The following RORA variants were observed in gnomAD, a reference collection of about 807,000 sequenced individuals.
RORA encodes RAR related orphan receptor A, also known as nuclear receptor ROR-alpha.
A neutral mutation model predicts 69.5 loss-of-function variants in RORA; 7 were observed. The ratio of observed to expected loss-of-function variants is 0.10; its 90% CI spans 0.06 to 0.19. The LOEUF (loss-of-function observed/expected upper bound fraction) is 0.19. Ranked by LOEUF, RORA falls within the 10% of genes least tolerant of loss-of-function variation. RORA has a pLI of 1.00. For missense variants in RORA, 457 were observed against 663.0 expected, an observed-to-expected ratio of 0.69 and a Z score of 3.41; for synonymous variants, 261 against 240.8, an observed-to-expected ratio of 1.08 and a Z score of -0.78.
chr15:60,666,897 T>C (rs1209128379), intron 2 of RORA, among the ~76,000 whole-genome samples: 4 of 152,128 alleles, frequency 2.6e-5, no homozygotes, highest in Admixed American at 1.3e-4. Flanking sequence ...ACAGAAAACC[T>C]TACAGGAGGT....
In RORA at chr15:60,644,462, T is replaced by G. The variant is rs542723495; in HGVS notation, c.196+34195A>C. Among the ~76,000 whole-genome samples the G allele has an allele frequency of 7.9e-5, 12 of 152,368 alleles. No individual in the cohort carries two copies. In the South Asian group the frequency reaches 2.5e-3, roughly 32 times the overall value. Reference sequence around the variant, plus strand: ...ATTATATTTTGAAATGTCTCTTCATTAGAAGGGCAACTTCATTTTCAATTG... The same window carrying G: ...ATTATATTTTGAAATGTCTCTTCATGAGAAGGGCAACTTCATTTTCAATTG... On this transcript the variant is annotated intron_variant, in intron 2 of 10. Coordinates refer to ENST00000335670, the MANE Select transcript of RORA (RefSeq NM_134261.3).
chr15:60,891,417 G>C (rs777096215), intron 1 of RORA, among the ~76,000 whole-genome samples: 24 of 152,224 alleles, frequency 1.6e-4, no homozygotes, highest in Non-Finnish European at 3.5e-4. Context: ...TGCAGGAACA[G>C]AGAAGCATCC....
At chr15:61,110,393 CAA>C (rs11343941) in intron 1 of RORA, among the ~76,000 whole-genome samples, 18 of 113,702 alleles carry the variant, frequency 1.6e-4, no homozygotes, top group Admixed American at 3.8e-4. Flanking sequence ...GACTCAGTCT[CAA>C]AAAAAAAAAA....
chr15:60,947,688 TAAAAAAAA>T (rs35887206), intron 1 of RORA, among the ~76,000 whole-genome samples: 2 of 102,950 alleles, frequency 1.9e-5, no homozygotes, highest in African/African-American at 8.5e-5. Flanking sequence ...GAATGATCAA[TAAAAAAAA>T]AAAAAAAAAA....
Position 60,838,455 on chromosome 15 carries a change from T to TG in RORA, c.167-159770_167-159769insC, listed in dbSNP as rs548777655. ...GCTGTCCAAGCAGACAGGCAGCAGG[T>TG]CACCGGGCCATGGGGCCAGCCTCTG... On this transcript the variant is annotated intron_variant, in intron 1 of 10. Transcript: ENST00000335670. 6.6e-3 allele frequency among the ~76,000 whole-genome samples: 1,005 copies of TG among 152,228 alleles called. 14 individuals carry two copies. Among genetic ancestry groups the TG allele is most frequent in the African/African-American group, 0.023 (959 of 41,548 alleles).
intron 1 of RORA, among the ~76,000 whole-genome samples, chr15:60,743,306 C>T (rs2071602557): frequency 6.6e-6 from 1 of 152,170 alleles, no homozygotes; most frequent in Non-Finnish European, 1.5e-5. Flanking sequence ...TGAGCCACCG[C>T]ACCCGGCTGT....
At chr15:60,837,036 AC>A (rs2073126095) in intron 1 of RORA, among the ~76,000 whole-genome samples, 1 of 100,678 alleles carries the variant, frequency 9.9e-6, no homozygotes, top group Non-Finnish European at 2.3e-5. Context: ...TCATACCTTG[AC>A]CTTTTTTTTT....
intron 1 of RORA, among the ~76,000 whole-genome samples, chr15:60,731,578 C>A (rs115191886): frequency 7.9e-4 from 121 of 152,322 alleles, no homozygotes; most frequent in African/African-American, 2.8e-3. Context: ...GAAAAGTTAA[C>A]TTCAGGTGAA....
chr15:60,984,415 ATTAT>A (rs1422677794), intron 1 of RORA, among the ~76,000 whole-genome samples: 1 of 150,920 alleles, frequency 6.6e-6, no homozygotes, highest in Admixed American at 6.6e-5. Flanking sequence ...AATTATTTTA[ATTAT>A]TTAATATTAG....
chr15:61,034,438 T>G (rs1896347485), intron 1 of RORA, among the ~76,000 whole-genome samples: 1 of 152,214 alleles, frequency 6.6e-6, no homozygotes, highest in African/African-American at 2.4e-5. Context: ...ATTGTTTAAC[T>G]GATCACTTCT....
At chr15:60,672,057 C>A (rs1647986) in intron 2 of RORA, among the ~76,000 whole-genome samples, 28,421 of 152,074 alleles carry the variant, frequency 0.19, 2,973 homozygotes, top group African/African-American at 0.27. Flanking sequence ...ACTACACTCC[C>A]GCTTGGCCAA....
chr15:60,914,145 G>T (rs886250072), intron 1 of RORA, among the ~76,000 whole-genome samples: 1 of 152,212 alleles, frequency 6.6e-6, no homozygotes, highest in African/African-American at 2.4e-5. Flanking sequence ...TGCTTTGGCT[G>T]TGCTAATTTG....
At chr15:61,083,343 G>A (rs762577951) in intron 1 of RORA, among the ~76,000 whole-genome samples, 5 of 152,122 alleles carry the variant, frequency 3.3e-5, no homozygotes, top group South Asian at 2.1e-4. Context: ...GCCTAGTTCC[G>A]GTAGGGATCA....
At chr15:60,955,262 A>G (rs1000962002) in intron 1 of RORA, among the ~76,000 whole-genome samples, 4 of 152,228 alleles carry the variant, frequency 2.6e-5, no homozygotes, top group African/African-American at 9.6e-5. Flanking sequence ...AGATTGTGCC[A>G]CTGCACTCCA....
At chr15:60,911,068 AATTTTTTTTTTTTTTTTTT>A in intron 1 of RORA, among the ~76,000 whole-genome samples, 1 of 87,132 alleles carries the variant, frequency 1.1e-5, no homozygotes, top group Admixed American at 1.3e-4. Flanking sequence ...ATGCCCAGCT[AATTTTTTTTTTTTTTTTTT>A]TTTTTTTTTT....
intron 2 of RORA, among the ~76,000 whole-genome samples, chr15:60,674,336 T>C (rs866099783): frequency 2.0e-5 from 3 of 152,288 alleles, no homozygotes; most frequent in Middle Eastern, 3.4e-3. Flanking sequence ...AGTTTTTGGA[T>C]CTCCTGAGTA....
intron 1 of RORA, among the ~76,000 whole-genome samples, chr15:60,751,160 T>C (rs2071717852): frequency 6.6e-6 from 1 of 152,168 alleles, no homozygotes. Context: ...CAGCTGAATG[T>C]CCTTTCCCTC....
chr15:61,108,146 T>C (rs1021544147), intron 1 of RORA, among the ~76,000 whole-genome samples: 12 of 152,210 alleles, frequency 7.9e-5, no homozygotes, highest in Non-Finnish European at 1.5e-4. Context: ...CCAGAGAAGA[T>C]GTCCCTTCCA....
intron 1 of RORA, among the ~76,000 whole-genome samples, chr15:61,093,484 G>A (rs907329214): frequency 7.9e-5 from 12 of 152,180 alleles, no homozygotes; most frequent in Admixed American, 5.2e-4. Context: ...ACAATGCTGC[G>A]GCTACAGAGC....
Sources: allele counts gnomAD v4.1 joint callset (sites outside exome capture counted in the v4.1 genomes callset), GRCh38; gene constraint gnomAD v4.1.1; transcripts MANE v1.5; gene names NCBI Gene and HGNC (gene_info 2026-07-23, HGNC 2026-07-21).